The following DAB1 variants were observed in gnomAD, a reference collection of about 807,000 sequenced individuals.
DAB1 encodes DAB adaptor protein 1, also known as disabled homolog 1.
In DAB1, 15 loss-of-function variants were observed where a neutral mutation model predicts 64.6. The observed-to-expected ratio is 0.23, with a 90% CI of 0.16 to 0.36. The LOEUF is 0.36. Among genes scored for constraint, DAB1 ranks in the 10% least tolerant of loss-of-function variants. DAB1 has a pLI of 1.00. For synonymous variants in DAB1, 235 were observed against 251.9 expected (o/e 0.93, Z 0.64); for missense variants, 596 against 706.7 (o/e 0.84, Z 1.78).
At position 58,031,294 on chromosome 1, in the gene DAB1, T is replaced by C. The variant is rs987031849; in HGVS notation, n.387+119217A>G. Among the ~76,000 whole-genome samples, 6 of 152,122 alleles carry C rather than the reference T, an allele frequency of 3.9e-5. No homozygotes were observed. The East Asian group carries it at 7.7e-4, about 20-fold the overall frequency. The stretch of plus-strand genomic sequence containing the variant: ...GAAGTAATGCATTGGGACCGGGTTA[T>C]GTGGGGAGAGTTTTGAATGTTAAGA... On this transcript the variant is annotated intron_variant and non_coding_transcript_variant, in intron 5 of 20. Transcript: ENST00000485760.
chr1:57,452,866 A>G (rs1686439097), intron 7 of DAB1, among the ~76,000 whole-genome samples: 1 of 152,036 alleles, frequency 6.6e-6, no homozygotes, highest in Non-Finnish European at 1.5e-5. Context: ...AAAAGGAGGA[A>G]GGAAAGAAGA....
chr1:57,803,620 G>A (rs1437358962), intron 6 of DAB1, among the ~76,000 whole-genome samples: 1 of 152,174 alleles, frequency 6.6e-6, no homozygotes, highest in Non-Finnish European at 1.5e-5. Flanking sequence ...CAGAACTAGG[G>A]TCTGACCAAC....
intron 4 of DAB1, among the ~76,000 whole-genome samples, chr1:58,296,255 AAG>A (rs1301324785): frequency 6.8e-6 from 1 of 146,200 alleles, no homozygotes; most frequent in Non-Finnish European, 1.5e-5. Context: ...GAAAGAAAGA[AAG>A]AAAGAAAAGT....
At chr1:57,251,931 A>T (rs1160786087) in intron 2 of DAB1, among the ~76,000 whole-genome samples, 2 of 152,178 alleles carry the variant, frequency 1.3e-5, no homozygotes, top group Non-Finnish European at 2.9e-5. Context: ...ACACCCCATA[A>T]AGACCTCCTA....
intron 9 of DAB1, among the ~76,000 whole-genome samples, chr1:57,043,334 C>G (rs1018214900): frequency 3.3e-5 from 5 of 152,186 alleles, no homozygotes; most frequent in Middle Eastern, 3.2e-3. Context: ...CAACTCACAC[C>G]TAGATGCTCA....
intron 2 of DAB1, among the ~76,000 whole-genome samples, chr1:58,516,350 C>G (rs1646157823): frequency 1.3e-5 from 2 of 152,148 alleles, no homozygotes; most frequent in South Asian, 4.1e-4. Context: ...TCTATAATGA[C>G]TGCAAAGTGT....
At chr1:58,208,295 T>A (rs1006839911) in intron 4 of DAB1, among the ~76,000 whole-genome samples, 3 of 152,284 alleles carry the variant, frequency 2.0e-5, no homozygotes, top group Admixed American at 6.5e-5. Context: ...TTTAGCATTT[T>A]AAAAAATTAA....
At position 57,784,030 on chromosome 1, in the gene DAB1, C is replaced by A. The variant is rs547241995; in HGVS notation, n.551+99969G>T. Among the ~76,000 whole-genome samples the A allele has an allele frequency of 2.2e-3, 328 of 152,194 alleles. 1 individual carries two copies. Among genetic ancestry groups the A allele is most frequent in the African/African-American group, 7.6e-3 (317 of 41,524 alleles). ...GAGTCATATATCTCTCACTTTAAGTCAAAAACTAGAAATGGTTAAGCTTAG... is the reference window on the plus strand; with the variant it reads ...GAGTCATATATCTCTCACTTTAAGTAAAAAACTAGAAATGGTTAAGCTTAG... On this transcript the variant is annotated intron_variant and non_coding_transcript_variant, in intron 6 of 20. Transcript: ENST00000485760.
rs532537482 is a variant in DAB1, at chr1:58,244,165, G to T, written n.310-93577C>A. Among the ~76,000 whole-genome samples, 124 of 152,290 alleles carry T rather than the reference G, an allele frequency of 8.1e-4. 1 individual carries two copies. The highest frequency in any genetic ancestry group is 2.5e-3 in the African/African-American group (103 of 41,562). On this transcript the variant is annotated intron_variant and non_coding_transcript_variant, in intron 4 of 20. Coordinates refer to the DAB1 transcript ENST00000485760. ...TTCCTTTCCATGGAAATACGGGATT[G>T]TTTTGAGAATTGATAGAATAACATA...
chr1:58,017,528 AT>A (rs1570232657), intron 5 of DAB1, among the ~76,000 whole-genome samples: 1 of 152,184 alleles, frequency 6.6e-6, no homozygotes, highest in Non-Finnish European at 1.5e-5. Flanking sequence ...CACATTGCTA[AT>A]TTGGAAGTGA....
chr1:57,650,408 G>A (rs1300453100), intron 6 of DAB1, among the ~76,000 whole-genome samples: 3 of 151,998 alleles, frequency 2.0e-5, no homozygotes, highest in South Asian at 2.1e-4. Context: ...CGGTATTTAC[G>A]TACAGGGATA....
At chr1:57,578,445 C>T (rs1443637149) in intron 7 of DAB1, among the ~76,000 whole-genome samples, 1 of 152,200 alleles carries the variant, frequency 6.6e-6, no homozygotes, top group Non-Finnish European at 1.5e-5. Flanking sequence ...TTAGATCTAA[C>T]TAATGCTTAC....
At chr1:57,194,399 C>G (rs1213214754) in intron 2 of DAB1, among the ~76,000 whole-genome samples, 1 of 152,166 alleles carries the variant, frequency 6.6e-6, no homozygotes, top group African/African-American at 2.4e-5. Flanking sequence ...ACGTGGTAAG[C>G]ACTCAGTAAG....
In DAB1 at chr1:57,984,919, T is replaced by G. The variant is rs957580290; in HGVS notation, n.388-100757A>C. 2.0e-5 allele frequency among the ~76,000 whole-genome samples: 3 copies of G among 151,724 alleles called. No individual in the cohort carries two copies. In the East Asian group the frequency reaches 5.8e-4, roughly 29 times the overall value. ...AAAACCTGCTTTAGTTGTTGTTGTT[T>G]TTTTTTTGAGATGGAGTCTCACTCT... is the stretch of plus-strand genomic sequence containing the variant. On this transcript the variant is annotated intron_variant and non_coding_transcript_variant, in intron 5 of 20. Transcript: ENST00000485760.
intron 7 of DAB1, among the ~76,000 whole-genome samples, chr1:57,522,134 C>T (rs966003398): frequency 2.0e-5 from 3 of 152,026 alleles, no homozygotes; most frequent in Non-Finnish European, 2.9e-5. Flanking sequence ...CCATTAACCC[C>T]GGTGCATCTC....
intron 3 of DAB1, among the ~76,000 whole-genome samples, chr1:58,361,244 G>A (rs6587811): frequency 0.097 from 14,794 of 152,224 alleles, 843 homozygotes; most frequent in Middle Eastern, 0.17. Context: ...TACTGGGAGG[G>A]CTCCATGCTA....
intron 4 of DAB1, among the ~76,000 whole-genome samples, chr1:57,081,474 A>G (rs1557685159): frequency 6.6e-6 from 1 of 152,214 alleles, no homozygotes. Context: ...CAGAAAAAGA[A>G]AAGAGCTAAA....
chr1:57,132,589 A>G (rs916179721), intron 4 of DAB1, among the ~76,000 whole-genome samples: 1 of 152,138 alleles, frequency 6.6e-6, no homozygotes, highest in Non-Finnish European at 1.5e-5. Flanking sequence ...CACATTTTGG[A>G]TTTTTGGATT....
At chr1:58,504,786 T>A (rs930166769) in intron 3 of DAB1, among the ~76,000 whole-genome samples, 1 of 152,230 alleles carries the variant, frequency 6.6e-6, no homozygotes, top group Non-Finnish European at 1.5e-5. Context: ...ATTTTTCTTA[T>A]GATAAATCAT....
Sources: gnomAD v4.1 joint callset for allele counts (sites outside exome capture counted in the v4.1 genomes callset) on GRCh38, gnomAD v4.1.1 for gene constraint, MANE v1.5 for transcripts, NCBI Gene and HGNC (gene_info 2026-07-23, HGNC 2026-07-21) for gene names.